The following KIAA1671 variants were observed in gnomAD, a reference collection of about 807,000 sequenced individuals.
KIAA1671 encodes the protein uncharacterized protein KIAA1671.
KIAA1671 carries 52 observed loss-of-function variants against 131.2 expected under a neutral mutation model. That is an observed-to-expected ratio of 0.40 (90% confidence interval 0.32 to 0.50). The LOEUF (loss-of-function observed/expected upper bound fraction) is 0.50, where lower values mean the gene tolerates loss of function less well. Ranked by LOEUF, KIAA1671 falls within the 20% of genes least tolerant of loss-of-function variation. The probability of loss-of-function intolerance (pLI) is 0.73; values close to 1 mark genes in which losing one functional copy is unlikely to be tolerated. For synonymous variants in KIAA1671, 1,003 were observed against 961.6 expected (o/e 1.04, Z -0.80); for missense variants, 2,360 against 2,364.2 (o/e 1.00, Z 0.04).
chr22:25,174,862 G>A (rs984255217), intron 8 of KIAA1671: 9 of 172,384 alleles, frequency 5.2e-5, no homozygotes, highest in African/African-American at 1.7e-4. Flanking sequence ...ATAGTTGCAA[G>A]CATGAAGAGG....
chr22:24,994,813 A>G (rs1924025381), intron 1 of KIAA1671, among the ~76,000 whole-genome samples: 5 of 152,072 alleles, frequency 3.3e-5, no homozygotes. Context: ...AATGAACTGT[A>G]TCATCGTCAG....
chr22:24,963,116 T>C (rs1295027910), intron 1 of KIAA1671, among the ~76,000 whole-genome samples: 1 of 152,054 alleles, frequency 6.6e-6, no homozygotes, highest in Middle Eastern at 3.4e-3. Flanking sequence ...AAATGTGTCA[T>C]GCATTGGGAG....
intron 6 of KIAA1671, among the ~76,000 whole-genome samples, chr22:25,113,763 G>A (rs1418704716): frequency 6.6e-6 from 1 of 152,206 alleles, no homozygotes; most frequent in Non-Finnish European, 1.5e-5. Flanking sequence ...CAAATTAGTG[G>A]GGCTTGGATT....
intron 1 of KIAA1671, among the ~76,000 whole-genome samples, chr22:25,019,711 C>T (rs1221785171): frequency 1.3e-5 from 2 of 151,874 alleles, no homozygotes; most frequent in Admixed American, 1.3e-4. Flanking sequence ...CTTCTGCTTC[C>T]CCTACCAATT....
chr22:25,056,159 C>T (rs966956514), intron 6 of KIAA1671: 1 of 148,688 alleles, frequency 6.7e-6, no homozygotes, highest in Non-Finnish European at 1.5e-5. Context: ...TGAGCCACCA[C>T]GCCCAGTGGA....
chr22:25,192,983 C>A lies in KIAA1671; in HGVS notation c.*582C>A, dbSNP rs1355158901. ...GGAATCAGCAGTTCCAATTTTTAAA[C>A]ATACTCTCCCTGATTATGTGTATTT... is the stretch of plus-strand genomic sequence containing the variant. On this transcript the variant is annotated 3_prime_UTR_variant, in exon 13 of 13. Transcript: ENST00000358431. 2.0e-5 allele frequency: 3 copies of A among 152,040 alleles called. No homozygotes were observed. Among genetic ancestry groups the A allele is most frequent in the African/African-American group, 4.8e-5 (2 of 41,416 alleles). 9.4% of individuals were successfully genotyped at this position (152,040 alleles called of 1,614,324 possible).
At chr22:24,963,388 A>AG (rs1922117703) in intron 1 of KIAA1671, among the ~76,000 whole-genome samples, 1 of 144,034 alleles carries the variant, frequency 6.9e-6, no homozygotes, top group Admixed American at 6.8e-5. Flanking sequence ...AAAAAAAAAA[A>AG]GTATCCTGTA....
intron 9 of KIAA1671, among the ~76,000 whole-genome samples, chr22:25,178,081 C>T (rs1934104325): frequency 6.6e-6 from 1 of 152,228 alleles, no homozygotes; most frequent in South Asian, 2.1e-4. Flanking sequence ...TCACATTTTA[C>T]AGCAAGGGGT....
At chr22:25,134,092 G>A (rs2142842) in intron 6 of KIAA1671, among the ~76,000 whole-genome samples, 116,629 of 152,224 alleles carry the variant, frequency 0.77, 45,771 homozygotes, top group African/African-American at 0.94. Context: ...TGAAGGCAGA[G>A]CTTTGCCGCA....
At chr22:25,093,750 C>CTCTCTCTCTT (rs1930188955) in intron 6 of KIAA1671, among the ~76,000 whole-genome samples, 1 of 118,938 alleles carries the variant, frequency 8.4e-6, no homozygotes, top group African/African-American at 3.3e-5. Flanking sequence ...CTCTCTCTCT[C>CTCTCTCTCTT]TCTCTCTCTC....
chr22:25,117,259 C>T (rs532693279), intron 6 of KIAA1671, among the ~76,000 whole-genome samples: 1 of 152,260 alleles, frequency 6.6e-6, no homozygotes, highest in East Asian at 1.9e-4. Context: ...AGGGATCCCA[C>T]ATCCATGAGC....
rs1926778041 is a variant in KIAA1671 at position 25,039,200 on chromosome 22, G to C, written c.2070G>C (p.Leu690Phe). The C allele has an allele frequency of 6.4e-7, 1 of 1,552,046 alleles. No homozygotes were observed. Among genetic ancestry groups the C allele is most frequent in the South Asian group, 1.2e-5 (1 of 84,064 alleles). ...ETEKLGPTTLLNGELRPYHTP... is the reference protein window; with the variant it reads ...ETEKLGPTTLFNGELRPYHTP... The stretch of plus-strand genomic sequence containing the variant: ...AGAAATTGGGACCAACCACCCTTTT[G>C]AATGGTGAACTGAGACCGTATCACA... The change falls in exon 5 of 13, where the codon TTG becomes TTC. Residue 690 changes from leucine (L) to phenylalanine (F), a missense_variant. Transcript: ENST00000358431.
At chr22:25,172,085 G>A (rs1168056580) in intron 7 of KIAA1671, among the ~76,000 whole-genome samples, 2 of 152,224 alleles carry the variant, frequency 1.3e-5, no homozygotes, top group Admixed American at 1.3e-4. Context: ...ACTGACCCAT[G>A]AAATATGTGT....
At chr22:25,129,560 A>C (rs1461956530) in intron 6 of KIAA1671, among the ~76,000 whole-genome samples, 1 of 149,622 alleles carries the variant, frequency 6.7e-6, no homozygotes, top group South Asian at 2.1e-4. Flanking sequence ...GGTTTGAATC[A>C]CAGCTTTTCC....
chr22:25,068,492 A>T (rs1020157798), intron 6 of KIAA1671, among the ~76,000 whole-genome samples: 3 of 151,726 alleles, frequency 2.0e-5, no homozygotes, highest in Non-Finnish European at 2.9e-5. Context: ...GCTGGAGTGC[A>T]GTGGCACGAT....
intron 6 of KIAA1671, chr22:25,050,404 C>G (rs1927473516): frequency 6.6e-6 from 1 of 152,264 alleles, no homozygotes; most frequent in Non-Finnish European, 1.5e-5. Context: ...GACAGGGCTC[C>G]TAAGGCAGCG....
chr22:25,044,735 C>T (rs1174377162), intron 5 of KIAA1671, among the ~76,000 whole-genome samples: 1 of 152,152 alleles, frequency 6.6e-6, no homozygotes, highest in Non-Finnish European at 1.5e-5. Flanking sequence ...TGAGTGTTCC[C>T]CCAGAGGCAG....
At chr22:25,007,139 G>A (rs1924787977) in intron 1 of KIAA1671, among the ~76,000 whole-genome samples, 2 of 152,122 alleles carry the variant, frequency 1.3e-5, no homozygotes, top group African/African-American at 4.8e-5. Context: ...CCCAAAACTT[G>A]CCAGAACACC....
Position 25,041,422 on chromosome 22 carries a change from G to C in KIAA1671, c.4292G>C (p.Arg1431Thr). ...TCCATCATGCATGAAGCCAGAGAGAGGAGGCGAGAGCAGCCCAAAGGGAGG... is the reference window on the plus strand; with the variant it reads ...TCCATCATGCATGAAGCCAGAGAGACGAGGCGAGAGCAGCCCAAAGGGAGG... ...GLSIMHEARE[R>T]RREQPKGRPS... The change falls in exon 5 of 13, where the codon AGG becomes ACG. Residue 1431 changes from arginine to threonine, a missense_variant. This residue lies in a region of KIAA1671 where 1,161 missense variants were observed against 1,204.7 expected (regional missense o/e 0.96). Coordinates refer to ENST00000358431, the MANE Select transcript of KIAA1671 (RefSeq NM_001145206.2). 1 of 1,551,818 alleles carries C rather than the reference G, an allele frequency of 6.4e-7. No homozygotes were observed. The highest frequency in any genetic ancestry group is 8.7e-7 in the Non-Finnish European group (1 of 1,147,032).
Sources: gnomAD v4.1 joint callset for allele counts (sites outside exome capture counted in the v4.1 genomes callset) on GRCh38, gnomAD v4.1.1 for gene constraint, gnomAD v4.1.1 regional missense constraint, MANE v1.5 for transcripts, NCBI Gene and HGNC (gene_info 2026-07-23, HGNC 2026-07-21) for gene names.